The following ASB4 variants were observed in gnomAD, a reference collection of about 807,000 sequenced individuals.
The protein encoded by ASB4 is ankyrin repeat and SOCS box protein 4.
ASB4 carries 35 observed loss-of-function variants against 38.6 expected under a neutral mutation model. That is an observed-to-expected ratio of 0.91 (90% CI 0.69 to 1.20). The LOEUF is 1.20. ASB4 is among the 50% of genes most tolerant of loss of function. The pLI is 0.00. For missense variants in ASB4, 557 were observed against 527.2 expected (o/e 1.06, Z -0.55); for synonymous variants, 195 against 201.3 (o/e 0.97, Z 0.26).
chr7:95,515,214 TTTCTTTCTTTCTTTC>T (rs1184942018), intron 2 of ASB4, among the ~76,000 whole-genome samples: 6 of 127,234 alleles, frequency 4.7e-5, no homozygotes, highest in Non-Finnish European at 9.7e-5. Context: ...TCTTTCTTTC[TTTCTTTCTTTCTTTC>T]TTTTTCTTTC....
At chr7:95,519,067 T>C (rs1562818663) in intron 2 of ASB4, among the ~76,000 whole-genome samples, 3 of 152,166 alleles carry the variant, frequency 2.0e-5, no homozygotes. Flanking sequence ...ATGTGAGTGT[T>C]AGATAAATGA....
upstream of ASB4, among the ~76,000 whole-genome samples, chr7:95,485,666 T>C (rs1479780825): frequency 1.3e-5 from 2 of 152,224 alleles, no homozygotes; most frequent in Non-Finnish European, 2.9e-5. Flanking sequence ...ATTATTACTT[T>C]GATCATATAA....
chr7:95,491,880 T>G (rs1171143436), intron 1 of ASB4, among the ~76,000 whole-genome samples: 1 of 152,218 alleles, frequency 6.6e-6, no homozygotes, highest in Non-Finnish European at 1.5e-5. Flanking sequence ...CTCTTTTCTC[T>G]GCTCAAAGCA....
intron 3 of ASB4, among the ~76,000 whole-genome samples, chr7:95,531,208 C>T (rs1790815469): frequency 1.3e-5 from 2 of 152,216 alleles, no homozygotes; most frequent in South Asian, 4.1e-4. Context: ...TTCCTCCCTT[C>T]AGTCCTATCC....
At chr7:95,482,919 TG>T (rs1790033254), upstream of ASB4, among the ~76,000 whole-genome samples, 1 of 152,200 alleles carries the variant, frequency 6.6e-6, no homozygotes, top group Admixed American at 6.5e-5. Flanking sequence ...TCGAGGACAC[TG>T]AGGTTAGCGG....
At chr7:95,475,323 G>A (rs1789967273), upstream of ASB4, among the ~76,000 whole-genome samples, 2 of 152,270 alleles carry the variant, frequency 1.3e-5, no homozygotes, top group South Asian at 2.1e-4. Flanking sequence ...GAATTTAGAA[G>A]TAAAATCACA....
intron 2 of ASB4, among the ~76,000 whole-genome samples, chr7:95,527,018 A>C (rs1790745829): frequency 1.3e-5 from 2 of 152,252 alleles, no homozygotes; most frequent in African/African-American, 2.4e-5. Flanking sequence ...CCAAGTACAA[A>C]AAATTCCTAT....
intron 3 of ASB4, among the ~76,000 whole-genome samples, chr7:95,531,541 C>T (rs11768402): frequency 0.18 from 27,266 of 152,118 alleles, 2,500 homozygotes; most frequent in Middle Eastern, 0.28. Flanking sequence ...GTGGTTAGCA[C>T]GGTGCCATGG....
At chr7:95,530,282 C>T (rs1454847051) in intron 3 of ASB4, among the ~76,000 whole-genome samples, 4 of 151,782 alleles carry the variant, frequency 2.6e-5, no homozygotes, top group African/African-American at 7.3e-5. Flanking sequence ...CTGGGCAACA[C>T]GGTGAAACCC....
rs532734105 is a variant in ASB4, at chr7:95,536,651, C to A, written c.1092+101C>A. 5.5e-4 allele frequency: 376 copies of A among 688,420 alleles called. 6 individuals carry two copies. The South Asian group carries it at 6.1e-3, about 11-fold the overall frequency. The allele number at this position is 688,420 out of a possible 1,614,324, so 42.6% of individuals were successfully genotyped here. On this transcript the variant is annotated intron_variant, in intron 4 of 4. Coordinates refer to ENST00000325885, the MANE Select transcript of ASB4 (RefSeq NM_016116.3). ...AACAAAAAAGTTGGTTTTGAGAATG[C>A]CTTTAAAGCGTACTCAAATGCAATG... is the stretch of plus-strand genomic sequence containing the variant.
chr7:95,483,206 C>A (rs1363831568), upstream of ASB4, among the ~76,000 whole-genome samples: 2 of 152,128 alleles, frequency 1.3e-5, no homozygotes, highest in African/African-American at 4.8e-5. Context: ...TCTGAGGACC[C>A]CCTTTTCTTT....
At chr7:95,474,014 T>G (rs1279885195), upstream of ASB4, 1 of 152,230 alleles carries the variant, frequency 6.6e-6, no homozygotes, top group Admixed American at 6.5e-5. Flanking sequence ...TCTTTCAGCC[T>G]TAACATTCAA....
At chr7:95,499,034 T>C (rs1790292838) in intron 2 of ASB4, among the ~76,000 whole-genome samples, 1 of 152,240 alleles carries the variant, frequency 6.6e-6, no homozygotes, top group Admixed American at 6.5e-5. Context: ...AATGCTCCAC[T>C]GACTTGATTG....
chr7:95,546,847 T>G, the ASB4 span, among the ~76,000 whole-genome samples: 1 of 152,208 alleles, frequency 6.6e-6, no homozygotes, highest in Non-Finnish European at 1.5e-5. Flanking sequence ...TGCCATTTAT[T>G]CAACAAATAT....
chr7:95,550,673 C>T, the ASB4 span, among the ~76,000 whole-genome samples: 1 of 152,244 alleles, frequency 6.6e-6, no homozygotes, highest in African/African-American at 2.4e-5. Flanking sequence ...AGACTCAGGC[C>T]GTGGATCTTT....
intron 2 of ASB4, among the ~76,000 whole-genome samples, chr7:95,505,666 C>G (rs1467296075): frequency 2.7e-5 from 4 of 149,528 alleles, no homozygotes; most frequent in Non-Finnish European, 5.9e-5. Flanking sequence ...GAGGATCTGG[C>G]TCCTTTTCCT....
Position 95,485,977 on chromosome 7 carries a change from C to G in ASB4, c.6C>G (p.Asp2Glu). 1 of 1,613,146 alleles carries G rather than the reference C, an allele frequency of 6.2e-7. No individual in the cohort carries two copies. Among genetic ancestry groups the G allele is most frequent in the Non-Finnish European group, 8.5e-7 (1 of 1,179,446 alleles). Residue 2 changes from aspartate to glutamate, a missense_variant, in exon 1 of 5, where the codon GAC becomes GAG. Coordinates refer to ENST00000325885, the MANE Select transcript of ASB4 (RefSeq NM_016116.3). ...CTTCCAGAGGGAGAGGAAGGATGGA[C>G]GGCACCACTGCCCCTGTCACTAAAT... is the stretch of plus-strand genomic sequence containing the variant. Reference protein sequence around the residue: MDGTTAPVTKSG... With the variant: MEGTTAPVTKSG...
At chr7:95,504,177 C>T (rs773511769) in intron 2 of ASB4, among the ~76,000 whole-genome samples, 21 of 152,068 alleles carry the variant, frequency 1.4e-4, no homozygotes, top group Non-Finnish European at 2.6e-4. Context: ...GAAAGCTGCC[C>T]GCTTTACTCT....
At chr7:95,533,345 A>C (rs555841430) in intron 3 of ASB4, among the ~76,000 whole-genome samples, 10 of 152,300 alleles carry the variant, frequency 6.6e-5, no homozygotes, top group African/African-American at 1.9e-4. Context: ...CTACACTAAA[A>C]AGGGAAAATT....
Sources: gnomAD v4.1 joint callset for allele counts (sites outside exome capture counted in the v4.1 genomes callset) on GRCh38, gnomAD v4.1.1 for gene constraint, MANE v1.5 for transcripts, NCBI Gene and HGNC (gene_info 2026-07-23, HGNC 2026-07-21) for gene names.